INPP4B: variants seen among roughly 807,000 people sequenced by gnomAD.
The protein encoded by INPP4B is inositol polyphosphate 4-phosphatase type II.
Under a neutral mutation model 122.5 loss-of-function variants are expected in INPP4B, and 55 were observed. That is an observed-to-expected ratio of 0.45 (90% CI 0.36 to 0.56). INPP4B has a LOEUF of 0.56. Among genes scored for constraint, INPP4B ranks in the 20% least tolerant of loss-of-function variants. The probability of loss-of-function intolerance (pLI) is 0.00; values close to 1 mark genes in which losing one functional copy is unlikely to be tolerated. For synonymous variants in INPP4B, 403 were observed against 388.7 expected (o/e 1.04, Z -0.43); for missense variants, 1,000 against 1,097.7 (o/e 0.91, Z 1.26).
intron 12 of INPP4B, among the ~76,000 whole-genome samples, chr4:142,226,998 C>A (rs370979365): frequency 1.5e-4 from 23 of 150,462 alleles, no homozygotes; most frequent in African/African-American, 5.5e-4. Context: ...AACTGCAAGA[C>A]AAACAAACAG....
At chr4:142,823,369 T>G (rs187952893) in intron 1 of INPP4B, among the ~76,000 whole-genome samples, 2 of 152,274 alleles carry the variant, frequency 1.3e-5, no homozygotes, top group Non-Finnish European at 1.5e-5. Flanking sequence ...ACCATTAAGA[T>G]GTAAAATACT....
At chr4:142,459,749 G>T (rs186109896) in intron 3 of INPP4B, among the ~76,000 whole-genome samples, 1 of 152,078 alleles carries the variant, frequency 6.6e-6, no homozygotes, top group African/African-American at 2.4e-5. Context: ...GGCTATCTGC[G>T]TCCTAGCACT....
chr4:142,296,160 G>A (rs547023160), intron 9 of INPP4B, among the ~76,000 whole-genome samples: 5 of 152,262 alleles, frequency 3.3e-5, no homozygotes, highest in African/African-American at 1.2e-4. Context: ...TGTCCCTTCA[G>A]TGACTGAGAA....
intron 7 of INPP4B, among the ~76,000 whole-genome samples, chr4:142,400,865 A>G (rs1173757762): frequency 6.6e-6 from 1 of 152,220 alleles, no homozygotes; most frequent in East Asian, 1.9e-4. Flanking sequence ...TCTCCAAAGC[A>G]TTAACATTCA....
intron 1 of INPP4B, among the ~76,000 whole-genome samples, chr4:142,835,675 G>A (rs1782691910): frequency 6.6e-6 from 1 of 152,138 alleles, no homozygotes; most frequent in African/African-American, 2.4e-5. Context: ...GCTGCATTGT[G>A]TTTGGTTGTT....
At chr4:142,157,829 T>A (rs1375644673) in intron 17 of INPP4B, among the ~76,000 whole-genome samples, 1 of 152,102 alleles carries the variant, frequency 6.6e-6, no homozygotes, top group Non-Finnish European at 1.5e-5. Context: ...TACTCATTTC[T>A]TCGGTGCCTA....
At chr4:142,082,623 T>A (rs1006586253) in intron 24 of INPP4B, among the ~76,000 whole-genome samples, 1 of 152,228 alleles carries the variant, frequency 6.6e-6, no homozygotes, top group Non-Finnish European at 1.5e-5. Flanking sequence ...ATATAGCTAA[T>A]ATTCTCTTAT....
intron 12 of INPP4B, among the ~76,000 whole-genome samples, chr4:142,223,724 C>A (rs1850348609): frequency 6.6e-6 from 1 of 152,070 alleles, no homozygotes; most frequent in Non-Finnish European, 1.5e-5. Flanking sequence ...TGATGAATAC[C>A]ATACCACATG....
rs1486807754 is a variant in INPP4B, at chr4:142,489,571, T to A, written c.-190-26845A>T. On this transcript the variant is annotated intron_variant, in intron 2 of 25. Coordinates refer to ENST00000262992, the MANE Select transcript of INPP4B (RefSeq NM_001101669.3). Reference sequence around the variant, plus strand: ...ACTACGCTCTGCTAATTTTTTGTATTTTAGTAGAGACGAGGTTTCACCCTG... The same window carrying A: ...ACTACGCTCTGCTAATTTTTTGTATATTAGTAGAGACGAGGTTTCACCCTG... Among the ~76,000 whole-genome samples, 4 of 152,174 alleles carry A rather than the reference T, an allele frequency of 2.6e-5. No individual in the cohort carries two copies. The East Asian group carries it at 7.8e-4, about 29-fold the overall frequency.
intron 9 of INPP4B, among the ~76,000 whole-genome samples, chr4:142,290,330 C>G (rs578064854): frequency 6.6e-6 from 1 of 150,492 alleles, no homozygotes; most frequent in South Asian, 2.1e-4. Flanking sequence ...CCTCAGCCTC[C>G]TGAGTAGCTG....
intron 25 of INPP4B, among the ~76,000 whole-genome samples, chr4:142,042,516 GTGTATGTATGTATGTA>G (rs3043168): frequency 2.7e-4 from 13 of 48,196 alleles, no homozygotes; most frequent in African/African-American, 4.8e-4. Flanking sequence ...TTATGTGTGT[GTGTATGTATGTATGTA>G]TGTATGTATG....
intron 5 of INPP4B, among the ~76,000 whole-genome samples, chr4:142,411,465 A>C (rs1804576042): frequency 6.6e-6 from 1 of 152,200 alleles, no homozygotes; most frequent in African/African-American, 2.4e-5. Context: ...CTTCGAATCT[A>C]ATGAAAGCTC....
At chr4:142,815,499 A>G (rs1780008191) in intron 1 of INPP4B, among the ~76,000 whole-genome samples, 1 of 152,156 alleles carries the variant, frequency 6.6e-6, no homozygotes, top group South Asian at 2.1e-4. Context: ...TTATACTAAT[A>G]TAACTCTATT....
At chr4:142,539,770 A>G (rs11100748) in intron 2 of INPP4B, among the ~76,000 whole-genome samples, 34,086 of 151,852 alleles carry the variant, frequency 0.22, 4,980 homozygotes, top group East Asian at 0.77. Flanking sequence ...TAAATTAAAG[A>G]GTTCCTTGGG....
intron 2 of INPP4B, among the ~76,000 whole-genome samples, chr4:142,707,599 T>A (rs1762616933): frequency 6.6e-6 from 1 of 152,246 alleles, no homozygotes; most frequent in South Asian, 2.1e-4. Flanking sequence ...TCTAGCCACA[T>A]AACATGTACC....
chr4:142,432,549 T>C (rs1809549927), intron 3 of INPP4B, among the ~76,000 whole-genome samples: 1 of 152,118 alleles, frequency 6.6e-6, no homozygotes, highest in African/African-American at 2.4e-5. Context: ...GAACATTATG[T>C]TTTGAATTAA....
At chr4:142,055,832 T>C (rs1481797597) in intron 25 of INPP4B, among the ~76,000 whole-genome samples, 1 of 151,758 alleles carries the variant, frequency 6.6e-6, no homozygotes, top group Non-Finnish European at 1.5e-5. Context: ...GGGGCGATGG[T>C]TTAGGGATGA....
chr4:142,605,279 A>C (rs1294373441), intron 2 of INPP4B, among the ~76,000 whole-genome samples: 1 of 152,114 alleles, frequency 6.6e-6, no homozygotes, highest in Admixed American at 6.6e-5. Flanking sequence ...TAAAGACTTA[A>C]ATAGAAGACA....
chr4:142,302,257 C>T (rs1761746580), intron 9 of INPP4B, among the ~76,000 whole-genome samples: 1 of 152,154 alleles, frequency 6.6e-6, no homozygotes, highest in African/African-American at 2.4e-5. Flanking sequence ...CTAGTCATCA[C>T]CTTCTGTAAG....
Sources: allele counts gnomAD v4.1 joint callset (sites outside exome capture counted in the v4.1 genomes callset), GRCh38; gene constraint gnomAD v4.1.1; transcripts MANE v1.5; gene names NCBI Gene and HGNC (gene_info 2026-07-23, HGNC 2026-07-21).